The following FBN1 variants were observed in gnomAD, a reference collection of about 807,000 sequenced individuals.
The protein encoded by FBN1 is fibrillin 1.
Under a neutral mutation model 365.1 loss-of-function variants are expected in FBN1, and 29 were observed. The ratio of observed to expected loss-of-function variants is 0.08; its 90% CI spans 0.06 to 0.11. FBN1 has a LOEUF of 0.11. FBN1 is among the 10% of genes least tolerant of loss of function. The pLI, the probability that FBN1 is intolerant of heterozygous loss-of-function variation, is 1.00. For missense variants in FBN1, 2,476 were observed against 3,703.2 expected, an observed-to-expected ratio of 0.67 and a Z score of 8.60; for synonymous variants, 1,210 against 1,270.5, an observed-to-expected ratio of 0.95 and a Z score of 1.01.
chr15:48,427,560 G>C lies in FBN1; in HGVS notation c.7204+7C>G, dbSNP rs371763964. The C allele has an allele frequency of 8.6e-5, 138 of 1,612,246 alleles. No homozygotes were observed. The highest frequency in any genetic ancestry group is 1.1e-4 in the Non-Finnish European group (133 of 1,178,616). Reference sequence around the variant, plus strand: ...CTGCAAGTATTTTTGGACTATAAATGAAGTACCTGCTCCATTGGTCATGAA... The same window carrying C: ...CTGCAAGTATTTTTGGACTATAAATCAAGTACCTGCTCCATTGGTCATGAA... On this transcript the variant is annotated splice_region_variant and intron_variant, in intron 58 of 65. Coordinates refer to ENST00000316623, the MANE Select transcript of FBN1 (RefSeq NM_000138.5).
chr15:48,530,554 G>A (rs759591901), intron 8 of FBN1, among the ~76,000 whole-genome samples: 4 of 149,516 alleles, frequency 2.7e-5, no homozygotes, highest in South Asian at 2.1e-4. Flanking sequence ...GACCTTCACC[G>A]CAGAGATTTT....
At chr15:48,634,646 T>C (rs1438058484) in intron 2 of FBN1, among the ~76,000 whole-genome samples, 1 of 152,086 alleles carries the variant, frequency 6.6e-6, no homozygotes, top group Non-Finnish European at 1.5e-5. Flanking sequence ...TGTATTTTAC[T>C]TAGACCTTGT....
chr15:48,442,534 G>T (rs938353891), intron 49 of FBN1, among the ~76,000 whole-genome samples: 1 of 152,130 alleles, frequency 6.6e-6, no homozygotes, highest in African/African-American at 2.4e-5. Context: ...TAGAATTGTG[G>T]CATGTTTTCT....
chr15:48,456,871 T>TGTGTGTGTGTGCGCGC (rs749897052), intron 43 of FBN1, 109 bp from the exon 44 acceptor site: 13 of 1,083,524 alleles, frequency 1.2e-5, no homozygotes, highest in Non-Finnish European at 1.7e-5. Context: ...TGTGTGTGTG[T>TGTGTGTGTGTGCGCGC]GCGTGCATGT....
chr15:48,443,788 C>T (rs1383999149), intron 49 of FBN1, among the ~76,000 whole-genome samples: 1 of 151,990 alleles, frequency 6.6e-6, no homozygotes, highest in Non-Finnish European at 1.5e-5. Flanking sequence ...AAGGAAGGCC[C>T]TTGGGAGGCT....
rs556075680 is a variant in FBN1 at position 48,569,717 on chromosome 15, C to T, written c.538+26566G>A. On this transcript the variant is annotated intron_variant, in intron 6 of 65. Coordinates refer to ENST00000316623, the MANE Select transcript of FBN1 (RefSeq NM_000138.5). The stretch of plus-strand genomic sequence containing the variant: ...ATAAAATAATATGTGTTATAAGATT[C>T]TATTTATTTGAAAGGTCCAGAAAAG... Among the ~76,000 whole-genome samples the T allele has an allele frequency of 2.7e-3, 408 of 152,150 alleles. 2 individuals carry two copies. The highest frequency in any genetic ancestry group is 9.5e-3 in the African/African-American group (394 of 41,524).
At chr15:48,533,900 G>A (rs1046068443) in intron 8 of FBN1, among the ~76,000 whole-genome samples, 180 bp downstream of exon 8, 5 of 152,088 alleles carry the variant, frequency 3.3e-5, no homozygotes, top group South Asian at 2.1e-4. Context: ...AAGCTACAGG[G>A]TTTTTCTGGT....
rs2043401602 is a variant in FBN1 at position 48,474,280 on chromosome 15, G to A, written c.4185C>T (p.Tyr1395=). 3 of 1,614,092 alleles carry A rather than the reference G, an allele frequency of 1.9e-6. No individual in the cohort carries two copies. Among genetic ancestry groups the A allele is most frequent in the African/African-American group, 2.7e-5 (2 of 75,024 alleles). ...CTGTACAAGTGAAGCCATCACCTGT[G>A]TATCCTTCCTTGCACAGACAGCGGT... The part of the protein sequence containing the change: ...GSYRCLCKEG[Y]TGDGFTCTDL... The change falls in exon 34 of 66, where the codon TAC becomes TAT. Residue 1395 remains tyrosine (Y), a synonymous_variant. Transcript: ENST00000316623.
intron 2 of FBN1, 102 bp from the exon 3 acceptor site, chr15:48,613,194 G>T: frequency 1.1e-6 from 1 of 869,722 alleles, no homozygotes; most frequent in Non-Finnish European, 1.9e-6. Flanking sequence ...AAAGCAAGAT[G>T]AATCCTGGCA....
Position 48,583,716 on chromosome 15 carries a change from G to T in FBN1, c.538+12567C>A, listed in dbSNP as rs369492182. On this transcript the variant is annotated intron_variant, in intron 6 of 65. Transcript: ENST00000316623. ...AGGAATTTTTGGTTAGCTATTGGGA[G>T]AACAAATGCTTCCCAGACACAGTCA... 2.4e-4 allele frequency among the ~76,000 whole-genome samples: 36 copies of T among 152,276 alleles called. No individual in the cohort carries two copies. In the East Asian group the frequency reaches 3.5e-3, roughly 15 times the overall value.
intron 6 of FBN1, 122 bp from the exon 7 acceptor site, chr15:48,537,930 A>G: frequency 1.0e-6 from 1 of 988,084 alleles, no homozygotes. Flanking sequence ...GGACAGAATC[A>G]TGCATCACTG....
At position 48,428,483 on chromosome 15, in the gene FBN1, T is replaced by C. The variant is rs568325297; in HGVS notation, c.6872-12A>G. 5.0e-6 allele frequency: 8 copies of C among 1,614,064 alleles called. No homozygotes were observed. The highest frequency in any genetic ancestry group is 6.8e-6 in the Non-Finnish European group (8 of 1,179,940). On this transcript the variant is annotated splice_polypyrimidine_tract_variant and intron_variant, in intron 56 of 65. Coordinates refer to ENST00000316623, the MANE Select transcript of FBN1 (RefSeq NM_000138.5). ...ACATTCATTCTCATCTGTTTGATTT[T>C]ATTGAAGGACCAAAAACAAGAAGAG...
At chr15:48,537,112 CTG>C (rs1393988487) in intron 7 of FBN1, among the ~76,000 whole-genome samples, 2 of 152,166 alleles carry the variant, frequency 1.3e-5, no homozygotes, top group Admixed American at 6.5e-5. Flanking sequence ...ATATTTAAAA[CTG>C]TGAAACAAAT....
intron 6 of FBN1, among the ~76,000 whole-genome samples, chr15:48,578,730 A>G (rs142958928): frequency 0.022 from 2,886 of 130,916 alleles, no homozygotes; most frequent in Non-Finnish European, 0.025. Context: ...ATTGGAAACC[A>G]TCATTCTCAG....
At chr15:48,610,020 G>A (rs925849924) in intron 4 of FBN1, among the ~76,000 whole-genome samples, 8 of 152,132 alleles carry the variant, frequency 5.3e-5, no homozygotes, top group African/African-American at 1.9e-4. Context: ...AAAAAGAAAC[G>A]GAAAAGGGAC....
In FBN1 at chr15:48,526,064, T is replaced by A. The variant is rs1424221824; in HGVS notation, c.988+66A>T. 1.9e-6 allele frequency: 3 copies of A among 1,600,238 alleles called. No individual in the cohort carries two copies. In the Admixed American group the frequency reaches 5.0e-5, roughly 27 times the overall value. ...TATATGTGCTCCTTAACAAGCTTGT[T>A]TAGAAAGTTGTTTGTTATGGAACTG... On this transcript the variant is annotated intron_variant, in intron 9 of 65. Transcript: ENST00000316623.
intron 2 of FBN1, among the ~76,000 whole-genome samples, chr15:48,622,585 G>A (rs895132767): frequency 1.3e-5 from 2 of 151,988 alleles, no homozygotes; most frequent in African/African-American, 4.8e-5. Flanking sequence ...TACTCCATTA[G>A]GACAATATGG....
intron 45 of FBN1, among the ~76,000 whole-genome samples, chr15:48,451,079 T>C (rs1476735044): frequency 6.6e-6 from 1 of 152,192 alleles, no homozygotes; most frequent in Non-Finnish European, 1.5e-5. Flanking sequence ...CTGGCTGCAT[T>C]TTATGTATGA....
intron 32 of FBN1, among the ~76,000 whole-genome samples, chr15:48,477,134 T>C (rs1426623886): frequency 6.6e-6 from 1 of 152,216 alleles, no homozygotes; most frequent in Non-Finnish European, 1.5e-5. Context: ...GGTACTCTTA[T>C]TTTATGAGTA....
Sources: gnomAD v4.1 joint callset for allele counts (sites outside exome capture counted in the v4.1 genomes callset) on GRCh38, gnomAD v4.1.1 for gene constraint, MANE v1.5 for transcripts, NCBI Gene and HGNC (gene_info 2026-07-23, HGNC 2026-07-21) for gene names.